CNTN3: variants seen among roughly 807,000 people sequenced by gnomAD.
CNTN3 encodes contactin-3.
CNTN3 carries 60 observed loss-of-function variants against 119.1 expected under a neutral mutation model. The ratio of observed to expected loss-of-function variants is 0.50; its 90% CI spans 0.41 to 0.62. CNTN3 has a LOEUF of 0.62. Ranked by LOEUF, CNTN3 falls within the 20% of genes least tolerant of loss-of-function variation. The probability of loss-of-function intolerance (pLI) is 0.00; values close to 1 mark genes in which losing one functional copy is unlikely to be tolerated. For missense variants in CNTN3, 1,101 were observed against 1,242.4 expected (o/e 0.89, Z 1.71); for synonymous variants, 450 against 438.7 (o/e 1.03, Z -0.32).
At chr3:74,321,374 G>A (rs532134022) in intron 13 of CNTN3, among the ~76,000 whole-genome samples, 17 of 152,148 alleles carry the variant, frequency 1.1e-4, no homozygotes, top group Non-Finnish European at 2.2e-4. Flanking sequence ...AACAAAAACA[G>A]AAATACAACA....
At chr3:74,606,768 G>A (rs1704999294) in intron 1 of CNTN3, among the ~76,000 whole-genome samples, 1 of 152,040 alleles carries the variant, frequency 6.6e-6, no homozygotes. Flanking sequence ...TATCTTCATA[G>A]AATGCATGGT....
At chr3:74,512,283 G>A (rs975892028) in intron 2 of CNTN3, among the ~76,000 whole-genome samples, 1 of 152,102 alleles carries the variant, frequency 6.6e-6, no homozygotes, top group East Asian at 1.9e-4. Context: ...GGATGGAATT[G>A]TCGTTATCTT....
intron 4 of CNTN3, among the ~76,000 whole-genome samples, chr3:74,451,296 G>T (rs1200274823): frequency 6.6e-6 from 1 of 152,062 alleles, no homozygotes; most frequent in East Asian, 1.9e-4. Flanking sequence ...GTGTTTTTTG[G>T]CTGCATAAAT....
chr3:74,586,454 A>T (rs768242310), intron 1 of CNTN3, among the ~76,000 whole-genome samples: 3 of 152,256 alleles, frequency 2.0e-5, no homozygotes, highest in Non-Finnish European at 4.4e-5. Flanking sequence ...TGAAGAATAT[A>T]ATACGCAATT....
chr3:74,267,382 G>A lies in CNTN3; in HGVS notation c.2705-4C>T, dbSNP rs1701681872. 3.1e-6 allele frequency: 5 copies of A among 1,595,162 alleles called. No homozygotes were observed. In the Admixed American group the frequency reaches 5.0e-5, roughly 16 times the overall value. On this transcript the variant is annotated splice_polypyrimidine_tract_variant and splice_region_variant and intron_variant, in intron 20 of 22. Coordinates refer to ENST00000263665, the MANE Select transcript of CNTN3 (RefSeq NM_020872.3). ...TTTCCTGGTGGCTGACTGGGAGCTTGAAATGCAAAATGAGAAATTTTAAAA... is the reference window on the plus strand; with the variant it reads ...TTTCCTGGTGGCTGACTGGGAGCTTAAAATGCAAAATGAGAAATTTTAAAA...
At chr3:74,485,400 A>G (rs957739508) in intron 4 of CNTN3, among the ~76,000 whole-genome samples, 6 of 152,122 alleles carry the variant, frequency 3.9e-5, no homozygotes, top group Non-Finnish European at 8.8e-5. Flanking sequence ...CAAGTAAAAA[A>G]TATTTTGCCT....
intron 1 of CNTN3, among the ~76,000 whole-genome samples, chr3:74,531,485 T>TA (rs1703692099): frequency 6.6e-6 from 1 of 151,854 alleles, no homozygotes; most frequent in East Asian, 2.0e-4. Flanking sequence ...AGGTAATTCT[T>TA]AGAGAAAAAG....
At chr3:74,529,371 C>T (rs1050686312) in intron 1 of CNTN3, among the ~76,000 whole-genome samples, 1 of 151,862 alleles carries the variant, frequency 6.6e-6, no homozygotes, top group Non-Finnish European at 1.5e-5. Context: ...GCCTGGGTCA[C>T]GTGTTTAGAA....
intron 1 of CNTN3, among the ~76,000 whole-genome samples, chr3:74,572,303 TC>T (rs905098121): frequency 6.6e-6 from 1 of 152,024 alleles, no homozygotes; most frequent in African/African-American, 2.4e-5. Flanking sequence ...ATATCTAATG[TC>T]AAAGAAACCT....
At chr3:74,371,010 T>C (rs1189772324) in intron 6 of CNTN3, among the ~76,000 whole-genome samples, 186 bp downstream of exon 6, 1 of 152,134 alleles carries the variant, frequency 6.6e-6, no homozygotes. Context: ...TTGCCCGGGG[T>C]AAGAATTATG....
chr3:74,583,174 G>A (rs983484739), intron 1 of CNTN3, among the ~76,000 whole-genome samples: 1 of 152,140 alleles, frequency 6.6e-6, no homozygotes, highest in African/African-American at 2.4e-5. Context: ...GGAAATCCTG[G>A]TTTGGTGTGT....
intron 1 of CNTN3, among the ~76,000 whole-genome samples, chr3:74,563,076 T>C (rs1477623564): frequency 6.6e-6 from 1 of 152,168 alleles, no homozygotes. Flanking sequence ...CGTCCCACTG[T>C]TCCTTTTCTG....
At chr3:74,265,744 TA>T (rs1446723965) in intron 22 of CNTN3, among the ~76,000 whole-genome samples, 1 of 152,174 alleles carries the variant, frequency 6.6e-6, no homozygotes. Context: ...TTACCCATGC[TA>T]AATGAATGGA....
intron 19 of CNTN3, among the ~76,000 whole-genome samples, chr3:74,289,508 C>T (rs1446025988): frequency 1.3e-5 from 2 of 152,170 alleles, no homozygotes; most frequent in African/African-American, 2.4e-5. Context: ...GGGTCCCACA[C>T]TGGGATTGTG....
At chr3:74,506,917 T>A (rs1457655899) in intron 2 of CNTN3, among the ~76,000 whole-genome samples, 1 of 152,196 alleles carries the variant, frequency 6.6e-6, no homozygotes, top group Non-Finnish European at 1.5e-5. Context: ...TGATTTCATT[T>A]CTATTATGGA....
intron 2 of CNTN3, among the ~76,000 whole-genome samples, chr3:74,516,742 C>A (rs771463031): frequency 6.8e-6 from 1 of 147,416 alleles, no homozygotes; most frequent in Non-Finnish European, 1.5e-5. Flanking sequence ...GTTCCTTCAA[C>A]GGAAATTCCA....
At chr3:74,395,919 T>C (rs1443004510) in intron 5 of CNTN3, among the ~76,000 whole-genome samples, 2 of 152,208 alleles carry the variant, frequency 1.3e-5, no homozygotes, top group African/African-American at 2.4e-5. Flanking sequence ...ACATCTGTCA[T>C]GATAATCTGT....
chr3:74,301,685 C>T lies in CNTN3; in HGVS notation c.1907G>A (p.Arg636Gln), dbSNP rs139142211. Reference protein sequence around the residue: ...SPVISYSIQARTPFSVGWQTV... With the variant: ...SPVISYSIQAQTPFSVGWQTV... ...TTGCCAACCCACGGAGAAAGGTGTC[C>T]GAGCCTGGATAGAATAGGATATAAC... The change falls in exon 15 of 23, where the codon CGG becomes CAG. Residue 636 changes from arginine (R) to glutamine (Q), a missense_variant. By Grantham distance (43) the Arg-to-Gln change is conservative. Coordinates refer to ENST00000263665, the MANE Select transcript of CNTN3 (RefSeq NM_020872.3). 126 of 1,613,960 alleles carry T rather than the reference C, an allele frequency of 7.8e-5. No individual in the cohort carries two copies. The highest frequency in any genetic ancestry group is 6.6e-4 in the Middle Eastern group (4 of 6,060).
At chr3:74,357,014 C>T (rs988359945) in intron 11 of CNTN3, among the ~76,000 whole-genome samples, 5 of 151,998 alleles carry the variant, frequency 3.3e-5, no homozygotes, top group Non-Finnish European at 7.3e-5. Context: ...AGCTCCGCCT[C>T]TCAGTTTCAC....
Sources: allele counts gnomAD v4.1 joint callset (sites outside exome capture counted in the v4.1 genomes callset), GRCh38; gene constraint gnomAD v4.1.1; transcripts MANE v1.5; gene names NCBI Gene and HGNC (gene_info 2026-07-23, HGNC 2026-07-21).